GPM6A: variants seen among roughly 807,000 people sequenced by gnomAD.
GPM6A encodes the protein neuronal membrane glycoprotein M6-a.
A neutral mutation model predicts 32.1 loss-of-function variants in GPM6A; 7 were observed. The ratio of observed to expected loss-of-function variants is 0.22; its 90% CI spans 0.12 to 0.41. The LOEUF (loss-of-function observed/expected upper bound fraction) is 0.41, where lower values mean the gene tolerates loss of function less well. GPM6A is among the 10% of genes least tolerant of loss of function. The pLI, the probability that GPM6A is intolerant of heterozygous loss-of-function variation, is 1.00. For missense variants in GPM6A, 235 were observed against 347.2 expected, an observed-to-expected ratio of 0.68 and a Z score of 2.57; for synonymous variants, 130 against 123.4, an observed-to-expected ratio of 1.05 and a Z score of -0.35.
chr4:175,723,882 A>G (rs1746269064), intron 1 of GPM6A, among the ~76,000 whole-genome samples: 2 of 152,174 alleles, frequency 1.3e-5, no homozygotes, highest in South Asian at 4.1e-4. Context: ...AATATATTAT[A>G]CTTGTCATTT....
intron 1 of GPM6A, among the ~76,000 whole-genome samples, chr4:175,818,547 C>T (rs1735180352): frequency 6.6e-6 from 1 of 152,236 alleles, no homozygotes; most frequent in Non-Finnish European, 1.5e-5. Flanking sequence ...TTCCCCCTCA[C>T]ACAAGACAAG....
intron 1 of GPM6A, among the ~76,000 whole-genome samples, chr4:175,847,118 T>G (rs1736115421): frequency 6.6e-6 from 1 of 152,072 alleles, no homozygotes; most frequent in African/African-American, 2.4e-5. Flanking sequence ...TAGAAAGCAG[T>G]TTGGTGTAAT....
At chr4:175,793,618 C>T (rs1015583820) in intron 1 of GPM6A, among the ~76,000 whole-genome samples, 2 of 152,118 alleles carry the variant, frequency 1.3e-5, no homozygotes, top group East Asian at 1.9e-4. Flanking sequence ...TCAGTTGATT[C>T]GCCTGCCTCG....
At chr4:175,683,935 A>C (rs555126546) in intron 2 of GPM6A, among the ~76,000 whole-genome samples, 10 of 151,836 alleles carry the variant, frequency 6.6e-5, no homozygotes, top group Non-Finnish European at 1.0e-4. Context: ...GGGTTCAAGC[A>C]ATTCTCCTGT....
rs528172649 is a variant in GPM6A at position 175,743,347 on chromosome 4, T to G, written c.38-41580A>C. On this transcript the variant is annotated intron_variant, in intron 1 of 6. Transcript: ENST00000393658. Reference sequence around the variant, plus strand: ...TTATTTAAAGTCAACATAAATAACTTAAAAATTCATTTTGTGATCTCTTGG... The same window carrying G: ...TTATTTAAAGTCAACATAAATAACTGAAAAATTCATTTTGTGATCTCTTGG... 3.9e-3 allele frequency among the ~76,000 whole-genome samples: 587 copies of G among 152,132 alleles called. 2 individuals are homozygous for G. Among genetic ancestry groups the G allele is most frequent in the African/African-American group, 0.013 (547 of 41,520 alleles).
At chr4:175,964,330 C>T (rs897805943) in intron 1 of GPM6A, among the ~76,000 whole-genome samples, 3 of 151,740 alleles carry the variant, frequency 2.0e-5, no homozygotes, top group Non-Finnish European at 2.9e-5. Context: ...CAAAACCCAC[C>T]CAGCTATAGA....
intron 1 of GPM6A, among the ~76,000 whole-genome samples, chr4:175,880,277 T>TA (rs1737228321): frequency 6.6e-6 from 1 of 152,206 alleles, no homozygotes; most frequent in Admixed American, 6.5e-5. Flanking sequence ...CTATGCTGTT[T>TA]TGGTTACTGC....
chr4:175,908,706 T>G (rs965382289), intron 1 of GPM6A, among the ~76,000 whole-genome samples: 2 of 152,142 alleles, frequency 1.3e-5, no homozygotes, highest in African/African-American at 2.4e-5. Flanking sequence ...GGAAGGATAT[T>G]TCAACAAAAA....
At chr4:175,912,237 A>G (rs985378973) in intron 1 of GPM6A, among the ~76,000 whole-genome samples, 1 of 152,218 alleles carries the variant, frequency 6.6e-6, no homozygotes, top group Non-Finnish European at 1.5e-5. Context: ...AGTTCCTCAA[A>G]GCCAATTTTT....
At chr4:175,823,429 C>G (rs1735339202) in intron 1 of GPM6A, among the ~76,000 whole-genome samples, 1 of 151,970 alleles carries the variant, frequency 6.6e-6, no homozygotes, top group Admixed American at 6.6e-5. Flanking sequence ...TTGCAAATGA[C>G]AGTCTTGCAA....
chr4:175,886,345 T>C (rs1310748261), intron 1 of GPM6A, among the ~76,000 whole-genome samples: 3 of 152,176 alleles, frequency 2.0e-5, no homozygotes, highest in African/African-American at 7.2e-5. Flanking sequence ...CAACAGAAAG[T>C]GACATAATGT....
intron 1 of GPM6A, among the ~76,000 whole-genome samples, chr4:175,976,890 T>C (rs962565801): frequency 1.3e-5 from 2 of 152,174 alleles, no homozygotes. Flanking sequence ...AAGGACAGAA[T>C]TGAATAAATC....
intron 6 of GPM6A, among the ~76,000 whole-genome samples, chr4:175,637,664 TAATA>T (rs1740833374): frequency 1.9e-3 from 1 of 536 alleles, no homozygotes; most frequent in Non-Finnish European, 6.3e-3. Context: ...ATAAAATATA[TAATA>T]TATATAATAT....
intron 4 of GPM6A, among the ~76,000 whole-genome samples, chr4:175,645,236 T>C (rs746151281): frequency 2.0e-5 from 3 of 152,186 alleles, no homozygotes; most frequent in Non-Finnish European, 4.4e-5. Context: ...ATATTTTTCA[T>C]GCTAGCTAAA....
At chr4:175,967,238 C>A (rs923716122) in intron 1 of GPM6A, among the ~76,000 whole-genome samples, 4 of 152,072 alleles carry the variant, frequency 2.6e-5, no homozygotes, top group Admixed American at 6.6e-5. Context: ...CATTTGACAA[C>A]CCATTAATGA....
At chr4:175,892,572 AAG>A (rs1487718695) in intron 1 of GPM6A, among the ~76,000 whole-genome samples, 1 of 152,122 alleles carries the variant, frequency 6.6e-6, no homozygotes, top group Non-Finnish European at 1.5e-5. Flanking sequence ...TCCACTTTGT[AAG>A]AGAGAGTGAA....
At chr4:175,774,518 A>G (rs1190098861) in intron 1 of GPM6A, among the ~76,000 whole-genome samples, 4 of 152,090 alleles carry the variant, frequency 2.6e-5, no homozygotes, top group East Asian at 1.9e-4. Context: ...TGTTTTACAA[A>G]AAACTTCCAA....
Position 175,812,245 on chromosome 4 carries a change from A to G in GPM6A, c.-18T>C. On this transcript the variant is annotated 5_prime_UTR_variant, in exon 1 of 7. Transcript: ENST00000393658. ...TCTTCCATGGCTACCTTTCTTCAGT[A>G]GAATCTGGTACACGGAATTAATCAA... The G allele has an allele frequency of 6.6e-7, 1 of 1,515,582 alleles. No homozygotes were observed. The highest frequency in any genetic ancestry group is 8.9e-7 in the Non-Finnish European group (1 of 1,125,482). The allele number at this position is 1,515,582 out of a possible 1,614,324, so 93.9% of individuals were successfully genotyped here.
At chr4:175,767,608 A>G (rs1389810976) in intron 1 of GPM6A, among the ~76,000 whole-genome samples, 2 of 152,264 alleles carry the variant, frequency 1.3e-5, no homozygotes, top group Non-Finnish European at 2.9e-5. Flanking sequence ...AAAAGTAACT[A>G]CACACCAATT....
Sources: allele counts gnomAD v4.1 joint callset (sites outside exome capture counted in the v4.1 genomes callset), GRCh38; gene constraint gnomAD v4.1.1; transcripts MANE v1.5; gene names NCBI Gene and HGNC (gene_info 2026-07-23, HGNC 2026-07-21).